GRIK1: variants seen among roughly 807,000 people sequenced by gnomAD.
GRIK1 encodes the protein glutamate receptor ionotropic, kainate 1.
In GRIK1, 69 loss-of-function variants were observed where a neutral mutation model predicts 105.7. The ratio of observed to expected loss-of-function variants is 0.65; its 90% CI spans 0.54 to 0.80. The LOEUF (loss-of-function observed/expected upper bound fraction) is 0.80. Among genes scored for constraint, GRIK1 ranks in the 30% least tolerant of loss-of-function variants. The pLI, the probability that GRIK1 is intolerant of heterozygous loss-of-function variation, is 0.00. For missense variants in GRIK1, 1,109 were observed against 1,167.3 expected (o/e 0.95, Z 0.73); for synonymous variants, 438 against 431.3 (o/e 1.02, Z -0.19).
chr21:29,902,588 G>A (rs964120533), intron 1 of GRIK1, among the ~76,000 whole-genome samples: 2 of 152,122 alleles, frequency 1.3e-5, no homozygotes, highest in African/African-American at 4.8e-5. Flanking sequence ...ACTTACAAGA[G>A]ATGTGAAGGA....
intron 7 of GRIK1, among the ~76,000 whole-genome samples, chr21:29,609,581 T>A (rs1019329662): frequency 2.0e-5 from 3 of 152,274 alleles, no homozygotes; most frequent in Middle Eastern, 3.4e-3. Flanking sequence ...TTGGGCATCA[T>A]CCAGTCCAAT....
intron 2 of GRIK1, among the ~76,000 whole-genome samples, chr21:29,692,860 A>T (rs1018528896): frequency 3.3e-5 from 5 of 152,346 alleles, no homozygotes; most frequent in African/African-American, 1.2e-4. Flanking sequence ...GGCATGAGCC[A>T]CTGCGCCCTG....
chr21:29,753,003 C>T (rs1305993566), intron 1 of GRIK1, among the ~76,000 whole-genome samples: 1 of 152,134 alleles, frequency 6.6e-6, no homozygotes, highest in African/African-American at 2.4e-5. Flanking sequence ...ATTTGGAGAA[C>T]CTGAAAAATA....
At chr21:29,719,081 C>CATATATATATAT (rs71335089) in intron 1 of GRIK1, among the ~76,000 whole-genome samples, 1,463 of 143,280 alleles carry the variant, frequency 0.01, 15 homozygotes, top group East Asian at 0.018. Context: ...TGTGTATATA[C>CATATATATATAT]ATATATATAT....
chr21:29,543,870 G>A (rs1026636070), intron 16 of GRIK1, among the ~76,000 whole-genome samples: 1 of 152,170 alleles, frequency 6.6e-6, no homozygotes, highest in African/African-American at 2.4e-5. Flanking sequence ...GGCTCCCCAT[G>A]GGAAATGACT....
At chr21:29,905,619 ATTT>A (rs869179451) in intron 1 of GRIK1, among the ~76,000 whole-genome samples, 1,080 of 72,412 alleles carry the variant, frequency 0.015, 3 homozygotes, top group Middle Eastern at 0.026. Context: ...CAAATTTTGT[ATTT>A]TTTTTTTTTT....
At chr21:29,855,450 G>C (rs1354940743) in intron 1 of GRIK1, among the ~76,000 whole-genome samples, 6 of 152,110 alleles carry the variant, frequency 3.9e-5, no homozygotes, top group Non-Finnish European at 5.9e-5. Flanking sequence ...TTCCAGCAGA[G>C]GAAATAACTA....
At chr21:29,717,908 GTAT>G (rs2064218326) in intron 1 of GRIK1, among the ~76,000 whole-genome samples, 1 of 152,164 alleles carries the variant, frequency 6.6e-6, no homozygotes, top group South Asian at 2.1e-4. Context: ...TAATTACCTT[GTAT>G]TGTGGGAGGG....
At chr21:29,914,840 G>T (rs1210482414) in intron 1 of GRIK1, among the ~76,000 whole-genome samples, 4 of 152,004 alleles carry the variant, frequency 2.6e-5, no homozygotes, top group Non-Finnish European at 4.4e-5. Flanking sequence ...AGCCCTTGTG[G>T]CTGTAAGCCA....
At chr21:29,595,336 A>G (rs2061391265) in intron 9 of GRIK1, among the ~76,000 whole-genome samples, 1 of 142,684 alleles carries the variant, frequency 7.0e-6, no homozygotes, top group Non-Finnish European at 1.5e-5. Flanking sequence ...GATTAGTGTA[A>G]TAGGTTTTTT....
intron 1 of GRIK1, among the ~76,000 whole-genome samples, chr21:29,918,359 C>T (rs781151649): frequency 3.3e-5 from 5 of 151,962 alleles, no homozygotes; most frequent in Non-Finnish European, 7.4e-5. Context: ...AAAAGCCCAG[C>T]GAAGTAGACA....
At chr21:29,790,989 A>T (rs2066397961) in intron 1 of GRIK1, among the ~76,000 whole-genome samples, 1 of 152,202 alleles carries the variant, frequency 6.6e-6, no homozygotes, top group South Asian at 2.1e-4. Flanking sequence ...GAGGGGGCCA[A>T]CTTTAAATTG....
chr21:29,540,471 G>A (rs2089950943), intron 16 of GRIK1, among the ~76,000 whole-genome samples: 1 of 152,106 alleles, frequency 6.6e-6, no homozygotes, highest in Non-Finnish European at 1.5e-5. Context: ...ACAAGGAAAG[G>A]TGACCTTTAA....
At chr21:29,715,921 C>T (rs1206374730) in intron 1 of GRIK1, among the ~76,000 whole-genome samples, 1 of 151,988 alleles carries the variant, frequency 6.6e-6, no homozygotes, top group Non-Finnish European at 1.5e-5. Flanking sequence ...TGTCCCCACC[C>T]ATATCTCATC....
chr21:29,647,038 G>A (rs1031798334), intron 6 of GRIK1, among the ~76,000 whole-genome samples: 2 of 152,140 alleles, frequency 1.3e-5, no homozygotes, highest in Non-Finnish European at 2.9e-5. Context: ...TAGAGACAAA[G>A]TTTCACCATG....
intron 1 of GRIK1, among the ~76,000 whole-genome samples, chr21:29,726,639 G>A (rs1373274842): frequency 3.3e-5 from 5 of 151,744 alleles, no homozygotes; most frequent in African/African-American, 1.2e-4. Context: ...AAACAACATT[G>A]TAATCATTTT....
intron 1 of GRIK1, among the ~76,000 whole-genome samples, chr21:29,813,689 AC>A (rs2067073057): frequency 6.6e-6 from 1 of 152,110 alleles, no homozygotes; most frequent in South Asian, 2.1e-4. Flanking sequence ...TATATCTTAC[AC>A]CAAGGTAGCA....
chr21:29,676,856 C>A (rs2063277605), intron 3 of GRIK1, among the ~76,000 whole-genome samples: 1 of 152,130 alleles, frequency 6.6e-6, no homozygotes, highest in Admixed American at 6.6e-5. Flanking sequence ...AGGGATTTGA[C>A]AACTGAATGC....
In GRIK1 at chr21:29,537,877, T is replaced by C; in HGVS notation, c.2615A>G (p.Lys872Arg). 4 of 1,291,826 alleles carry C rather than the reference T, an allele frequency of 3.1e-6. No homozygotes were observed. Among genetic ancestry groups the C allele is most frequent in the Non-Finnish European group, 3.3e-6 (3 of 906,254 alleles). 80.0% of individuals were successfully genotyped at this position (1,291,826 alleles called of 1,614,324 possible). A position where few individuals can be genotyped will look rare whatever the true frequency, so the allele number is the denominator to read the frequency against. Residue 872 changes from lysine (K) to arginine (R), a missense_variant, in exon 17 of 18, where the codon AAG becomes AGG. Around this residue, in one of 5 missense-constraint regions of GRIK1, gnomAD observed 161 missense variants for 143.4 expected, o/e 1.12. Coordinates refer to ENST00000327783, the MANE Select transcript of GRIK1 (RefSeq NM_001330994.2). ...RKNNDIEQKG[K>R]SSRIRFYFRN... Reference sequence around the variant, plus strand: ...AAAATAAAATCTAATTCTTGATGACTTTCCTTTCTGATAAAAAAAAAAGAA... The same window carrying C: ...AAAATAAAATCTAATTCTTGATGACCTTCCTTTCTGATAAAAAAAAAAGAA...
Sources: allele counts gnomAD v4.1 joint callset (sites outside exome capture counted in the v4.1 genomes callset), GRCh38; gene constraint gnomAD v4.1.1; regional missense constraint gnomAD v4.1.1; transcripts MANE v1.5; gene names NCBI Gene and HGNC (gene_info 2026-07-23, HGNC 2026-07-21).